NRG3: variants seen among roughly 807,000 people sequenced by gnomAD.
NRG3 encodes the protein pro-neuregulin-3, membrane-bound isoform.
NRG3 carries 31 observed loss-of-function variants against 66.9 expected under a neutral mutation model. The observed-to-expected ratio is 0.46, with a 90% CI of 0.35 to 0.63. The LOEUF (loss-of-function observed/expected upper bound fraction) is 0.63, where lower values mean the gene tolerates loss of function less well. Among genes scored for constraint, NRG3 ranks in the 20% least tolerant of loss-of-function variants. NRG3 has a pLI of 0.00. For synonymous variants in NRG3, 393 were observed against 359.4 expected (o/e 1.09, Z -1.06); for missense variants, 910 against 878.9 (o/e 1.04, Z -0.45).
At chr10:82,597,666 T>C (rs1212486057) in intron 2 of NRG3, among the ~76,000 whole-genome samples, 2 of 152,208 alleles carry the variant, frequency 1.3e-5, no homozygotes, top group African/African-American at 4.8e-5. Context: ...CTCATGCCTG[T>C]AATCCCAGCA....
intron 4 of NRG3, among the ~76,000 whole-genome samples, chr10:82,942,150 G>C (rs1472156470): frequency 6.6e-6 from 1 of 151,996 alleles, no homozygotes; most frequent in Admixed American, 6.6e-5. Flanking sequence ...TAGAATCCTA[G>C]GTCCCTATAC....
chr10:82,199,121 A>ACCT (rs763254305), intron 1 of NRG3, among the ~76,000 whole-genome samples: 9 of 149,234 alleles, frequency 6.0e-5, no homozygotes, highest in Non-Finnish European at 8.9e-5. Flanking sequence ...GTGAGCTGAG[A>ACCT]CCTTGCTACC....
chr10:82,295,671 A>G (rs1488088373), intron 1 of NRG3, among the ~76,000 whole-genome samples: 4 of 152,166 alleles, frequency 2.6e-5, no homozygotes, highest in Admixed American at 2.0e-4. Context: ...TTATTGTCAA[A>G]TACAGTGATT....
chr10:82,914,117 G>GT (rs142606522), intron 4 of NRG3, among the ~76,000 whole-genome samples: 15,614 of 147,484 alleles, frequency 0.11, 875 homozygotes, highest in Middle Eastern at 0.16. Context: ...TTCCATTTCA[G>GT]TTTTTTTTTT....
intron 2 of NRG3, among the ~76,000 whole-genome samples, chr10:82,496,500 A>T (rs914196827): frequency 6.6e-6 from 1 of 151,434 alleles, no homozygotes; most frequent in Admixed American, 6.6e-5. Context: ...TGTTCCCAGA[A>T]CTCTCTATTG....
In NRG3 at chr10:82,069,591, C is replaced by T. The variant is rs559263923; in HGVS notation, c.823+193428C>T. On this transcript the variant is annotated intron_variant, in intron 1 of 8. Transcript: ENST00000372141. ...CAGACTCATGTCTGCCAGCTCCAAA[C>T]CAGGATTTATCTGAGCTTATGTCAC... Among the ~76,000 whole-genome samples the T allele has an allele frequency of 3.9e-5, 6 of 152,234 alleles. No homozygotes were observed. In the South Asian group the frequency reaches 1.2e-3, roughly 32 times the overall value.
rs548324944 is a variant in NRG3 at position 82,376,576 on chromosome 10, A to G, written c.953+17708A>G. 3.9e-5 allele frequency among the ~76,000 whole-genome samples: 6 copies of G among 152,324 alleles called. No homozygotes were observed. In the East Asian group the frequency reaches 1.2e-3, roughly 29 times the overall value. ...CCTTTACACACTCACAGAATTTTCC[A>G]GAGGTGGTCCTTATGAAGCAGACTG... On this transcript the variant is annotated intron_variant, in intron 2 of 8. Coordinates refer to ENST00000372141, the MANE Select transcript of NRG3 (RefSeq NM_001010848.4).
intron 1 of NRG3, among the ~76,000 whole-genome samples, chr10:82,315,942 C>T (rs1201994933): frequency 5.3e-5 from 8 of 152,014 alleles, no homozygotes; most frequent in African/African-American, 9.7e-5. Flanking sequence ...CCACTGCGCC[C>T]GGCCCATATA....
chr10:82,863,504 C>G (rs896645627), intron 3 of NRG3, among the ~76,000 whole-genome samples: 1 of 152,198 alleles, frequency 6.6e-6, no homozygotes, highest in African/African-American at 2.4e-5. Flanking sequence ...TATTTCTCCA[C>G]GTCCTCTCCA....
intron 8 of NRG3, among the ~76,000 whole-genome samples, chr10:82,981,701 G>A (rs1203929278): frequency 2.0e-5 from 3 of 152,178 alleles, no homozygotes; most frequent in African/African-American, 7.2e-5. Flanking sequence ...TGGGGAAGGA[G>A]TGAGGTGGAG....
chr10:82,891,170 A>G (rs1352621033), intron 4 of NRG3, among the ~76,000 whole-genome samples: 2 of 151,716 alleles, frequency 1.3e-5, no homozygotes, highest in African/African-American at 2.4e-5. Flanking sequence ...AAAGAAAAAA[A>G]TGAACTTGAT....
chr10:82,017,783 GTTGT>G (rs1377204824), intron 1 of NRG3, among the ~76,000 whole-genome samples: 4 of 152,156 alleles, frequency 2.6e-5, no homozygotes, highest in African/African-American at 9.7e-5. Context: ...TGTTGATGGG[GTTGT>G]TTGTTTTTTT....
intron 1 of NRG3, among the ~76,000 whole-genome samples, chr10:82,121,064 C>G (rs1417766393): frequency 6.6e-6 from 1 of 152,134 alleles, no homozygotes; most frequent in African/African-American, 2.4e-5. Context: ...CTCCATCATT[C>G]CAGTTACTCT....
intron 1 of NRG3, among the ~76,000 whole-genome samples, chr10:81,934,868 A>G (rs1178967422): frequency 1.3e-5 from 2 of 152,208 alleles, no homozygotes; most frequent in African/African-American, 4.8e-5. Context: ...TATCATCTTC[A>G]GTAGCCTGTT....
At chr10:82,747,322 C>T (rs12098730) in intron 3 of NRG3, among the ~76,000 whole-genome samples, 12,829 of 151,928 alleles carry the variant, frequency 0.084, 717 homozygotes, top group African/African-American at 0.14. Context: ...TCCAATTTTG[C>T]CTGCTTACAG....
intron 1 of NRG3, among the ~76,000 whole-genome samples, chr10:82,047,104 C>T (rs1332253579): frequency 4.6e-5 from 7 of 151,306 alleles, no homozygotes; most frequent in African/African-American, 1.7e-4. Flanking sequence ...AGGGAGGATT[C>T]CCTCTTTTTC....
At chr10:82,565,611 T>C (rs11195039) in intron 2 of NRG3, among the ~76,000 whole-genome samples, 19,688 of 151,998 alleles carry the variant, frequency 0.13, 2,435 homozygotes, top group African/African-American at 0.32. Context: ...CTGATTTTTG[T>C]TTTTTGATCG....
At chr10:81,992,091 C>A (rs1306154233) in intron 1 of NRG3, among the ~76,000 whole-genome samples, 1 of 152,032 alleles carries the variant, frequency 6.6e-6, no homozygotes, top group Non-Finnish European at 1.5e-5. Flanking sequence ...TGGGTCCTTT[C>A]ACACTTAATA....
chr10:81,898,699 G>GTT (rs574810616), intron 1 of NRG3, among the ~76,000 whole-genome samples: 10 of 144,602 alleles, frequency 6.9e-5, no homozygotes, highest in African/African-American at 1.3e-4. Flanking sequence ...TGTTTGAAGA[G>GTT]TTTTTTTTTT....
Sources: allele counts gnomAD v4.1 joint callset (sites outside exome capture counted in the v4.1 genomes callset), GRCh38; gene constraint gnomAD v4.1.1; transcripts MANE v1.5; gene names NCBI Gene and HGNC (gene_info 2026-07-23, HGNC 2026-07-21).